Variants in BNIP3L observed in about 807,000 individuals in gnomAD.
BNIP3L encodes the protein BCL2 interacting protein 3 like.
A neutral mutation model predicts 25.5 loss-of-function variants in BNIP3L; 10 were observed. That is an observed-to-expected ratio of 0.39 (90% CI 0.24 to 0.67). The LOEUF is 0.67. Ranked by LOEUF, BNIP3L falls within the 30% of genes least tolerant of loss-of-function variation. The probability of loss-of-function intolerance (pLI) is 0.45; values close to 1 mark genes in which losing one functional copy is unlikely to be tolerated. For missense variants in BNIP3L, 215 were observed against 270.9 expected (o/e 0.79, Z 1.45); for synonymous variants, 113 against 101.2 (o/e 1.12, Z -0.70).
chr8:26,401,270 C>T (rs1806364562), intron 3 of BNIP3L, among the ~76,000 whole-genome samples: 4 of 133,076 alleles, frequency 3.0e-5, no homozygotes, highest in South Asian at 5.2e-4. Flanking sequence ...TTTGTAGGGA[C>T]ATGGATGAAA....
chr8:26,385,278 T>A (rs974325817), intron 1 of BNIP3L, among the ~76,000 whole-genome samples: 1 of 151,850 alleles, frequency 6.6e-6, no homozygotes, highest in Non-Finnish European at 1.5e-5. Flanking sequence ...CATCTTCCTT[T>A]GACCCTTTAA....
chr8:26,403,597 G>A (rs1806438171), intron 3 of BNIP3L, among the ~76,000 whole-genome samples: 2 of 150,910 alleles, frequency 1.3e-5, no homozygotes, highest in Admixed American at 1.3e-4. Flanking sequence ...GAGTGTAGTG[G>A]TGCAGTTGTA....
intron 3 of BNIP3L, among the ~76,000 whole-genome samples, chr8:26,407,759 T>C (rs562272016): frequency 3.1e-4 from 47 of 152,396 alleles, no homozygotes; most frequent in Admixed American, 2.1e-3. Flanking sequence ...TACAGTCTTA[T>C]GCAGTTCCTG....
At position 26,408,208 on chromosome 8, in the gene BNIP3L, C is replaced by T. The variant is rs761289218; in HGVS notation, c.462-19C>T. On this transcript the variant is annotated intron_variant, in intron 4 of 5. Coordinates refer to ENST00000380629, the MANE Select transcript of BNIP3L (RefSeq NM_004331.3). ...GATATTTTCAGCAAATGACATCTGC[C>T]TCTGAATTTCTTTCTCAGGGAGTTC... 67 of 1,612,618 alleles carry T rather than the reference C, an allele frequency of 4.2e-5. No homozygotes were observed. The highest frequency in any genetic ancestry group is 1.7e-4 in the Middle Eastern group (1 of 6,056).
At position 26,406,818 on chromosome 8, in the gene BNIP3L, A is replaced by G. The variant is rs563205082; in HGVS notation, c.358-1182A>G. On this transcript the variant is annotated intron_variant, in intron 3 of 5. Coordinates refer to ENST00000380629, the MANE Select transcript of BNIP3L (RefSeq NM_004331.3). ...GACACAGGAGACCCTGTCTCCAGAA[A>G]AAAAAAAAAAATGCATGTAACATGC... 3.3e-5 allele frequency among the ~76,000 whole-genome samples: 5 copies of G among 152,030 alleles called. No individual in the cohort carries two copies. In the East Asian group the frequency reaches 9.7e-4, roughly 29 times the overall value.
intron 3 of BNIP3L, among the ~76,000 whole-genome samples, chr8:26,401,824 G>A (rs1806389971): frequency 6.6e-6 from 1 of 152,122 alleles, no homozygotes; most frequent in African/African-American, 2.4e-5. Flanking sequence ...TCTTACAAAT[G>A]TTTGTGTTAT....
intron 1 of BNIP3L, chr8:26,390,393 A>G (rs1806076820): frequency 1.0e-6 from 1 of 985,468 alleles, no homozygotes; most frequent in Non-Finnish European, 1.2e-6. Context: ...TTTGTCCAAG[A>G]AAACTTTTCG....
intron 3 of BNIP3L, among the ~76,000 whole-genome samples, chr8:26,400,121 A>G (rs957214889): frequency 6.6e-6 from 1 of 150,532 alleles, no homozygotes; most frequent in African/African-American, 2.4e-5. Context: ...ATCCTAAGCC[A>G]AAAGAACAAA....
rs765549491 is a variant in BNIP3L, at chr8:26,383,273, G to A, written c.100+43G>A. 6.3e-6 allele frequency: 10 copies of A among 1,576,814 alleles called. No individual in the cohort carries two copies. The East Asian group carries it at 1.8e-4, about 29-fold the overall frequency. ...GCTCTGTGAAGGGGATGGGGGAGGAGGAGCAGCCCCGGCCGCCGCCACCGG... is the reference window on the plus strand; with the variant it reads ...GCTCTGTGAAGGGGATGGGGGAGGAAGAGCAGCCCCGGCCGCCGCCACCGG... On this transcript the variant is annotated intron_variant, in intron 1 of 5. Transcript: ENST00000380629.
At position 26,411,044 on chromosome 8, in the gene BNIP3L, T is replaced by G. The variant is rs1806613182; in HGVS notation, c.*632T>G. ...CCTCCTAATAGCGTCTTTTAATTTA[T>G]AGGAGGCAAACTGTATAAATGATAG... On this transcript the variant is annotated 3_prime_UTR_variant, in exon 6 of 6. Coordinates refer to ENST00000380629, the MANE Select transcript of BNIP3L (RefSeq NM_004331.3). The G allele has an allele frequency of 6.6e-6, 1 of 152,556 alleles. No homozygotes were observed. The highest frequency in any genetic ancestry group is 1.5e-5 in the Non-Finnish European group (1 of 68,256). 9.5% of individuals were successfully genotyped at this position (152,556 alleles called of 1,614,324 possible). A position where few individuals can be genotyped will look rare whatever the true frequency, so the allele number is the denominator to read the frequency against.
chr8:26,385,528 G>C (rs974172232), intron 1 of BNIP3L, among the ~76,000 whole-genome samples: 1 of 151,608 alleles, frequency 6.6e-6, no homozygotes, highest in South Asian at 2.1e-4. Flanking sequence ...GCTTGAATCC[G>C]GGAGGCAGAG....
At chr8:26,407,893 C>A in intron 3 of BNIP3L, 107 bp from the exon 4 acceptor site, 1 of 945,880 alleles carries the variant, frequency 1.1e-6, no homozygotes, top group Non-Finnish European at 1.6e-6. Flanking sequence ...TCTAAAATTT[C>A]TGAGACACAA....
At chr8:26,390,602 A>G (rs746361771) in intron 1 of BNIP3L, 5 of 955,954 alleles carry the variant, frequency 5.2e-6, no homozygotes, top group Non-Finnish European at 6.2e-6. Context: ...AGATAGAGAT[A>G]AAGCTTTTTT....
chr8:26,403,874 A>G (rs559763494), intron 3 of BNIP3L, among the ~76,000 whole-genome samples: 2 of 152,140 alleles, frequency 1.3e-5, no homozygotes, highest in Non-Finnish European at 2.9e-5. Context: ...GAAAGCAATG[A>G]TATTATCCCC....
rs1415015688 is a variant in BNIP3L at position 26,391,274 on chromosome 8, CAATGGCAATGAT to C, written c.143_154del (p.Asp48_Asn51del). 3.1e-6 allele frequency: 5 copies of C among 1,610,704 alleles called. No individual in the cohort carries two copies. Among genetic ancestry groups the C allele is most frequent in the Non-Finnish European group, 4.2e-6 (5 of 1,178,512 alleles). ...GGGTGGAGCTACCCATGAACAGCAG[CAATGGCAATGAT>C]AATGGCAATGGGAAAAATGGGGGGC... On this transcript the variant is annotated inframe_deletion, in exon 2 of 6. Transcript: ENST00000380629.
At position 26,410,884 on chromosome 8, in the gene BNIP3L, A is replaced by G. The variant is rs1346741350; in HGVS notation, c.*472A>G. 3.3e-5 allele frequency: 5 copies of G among 152,242 alleles called. No individual in the cohort carries two copies. Among genetic ancestry groups the G allele is most frequent in the African/African-American group, 1.2e-4 (5 of 41,420 alleles). 9.4% of individuals were successfully genotyped at this position (152,242 alleles called of 1,614,324 possible). ...TTTTTTTTCCCCCAAGACAAAGGCAAGTTTCCCTAAGTTTGAGTTGATAGT... is the reference window on the plus strand; with the variant it reads ...TTTTTTTTCCCCCAAGACAAAGGCAGGTTTCCCTAAGTTTGAGTTGATAGT... On this transcript the variant is annotated 3_prime_UTR_variant, in exon 6 of 6. Transcript: ENST00000380629.
In BNIP3L at chr8:26,410,365, A is replaced by G; in HGVS notation, c.613A>G (p.Ile205Val). Residue 205 changes from isoleucine to valine, a missense_variant and splice_region_variant, in exon 6 of 6, where the codon ATC becomes GTC. Transcript: ENST00000380629. ...CATGATGCTTCTGCTTCCTTTCAGC[A>G]TCTATATTGGAAAGCGACTGAGCAC... is the stretch of plus-strand genomic sequence containing the variant. ...LSHVLALGLG[I>V]YIGKRLSTPS... 6.2e-7 allele frequency: 1 copy of G among 1,614,096 alleles called. No individual in the cohort carries two copies. Among genetic ancestry groups the G allele is most frequent in the Non-Finnish European group, 8.5e-7 (1 of 1,179,988 alleles).
intron 3 of BNIP3L, among the ~76,000 whole-genome samples, chr8:26,400,873 C>T: frequency 1.5e-5 from 2 of 136,730 alleles, no homozygotes; most frequent in Admixed American, 7.5e-5. Flanking sequence ...GAGATGTCAT[C>T]TCACACCAGT....
rs1021822226 is a variant in BNIP3L, at chr8:26,411,177, T to C, written c.*765T>C. 6.6e-6 allele frequency: 1 copy of C among 152,624 alleles called. No individual in the cohort carries two copies. Among genetic ancestry groups the C allele is most frequent in the African/African-American group, 2.4e-5 (1 of 41,464 alleles). 9.5% of individuals were successfully genotyped at this position (152,624 alleles called of 1,614,324 possible). On this transcript the variant is annotated 3_prime_UTR_variant, in exon 6 of 6. Transcript: ENST00000380629. The stretch of plus-strand genomic sequence containing the variant: ...ATCTTTCTTTCTGATAAGGAACGTC[T>C]CAGGCTTAGAAATATATGAAATTGC...
Sources: allele counts gnomAD v4.1 joint callset (sites outside exome capture counted in the v4.1 genomes callset), GRCh38; gene constraint gnomAD v4.1.1; transcripts MANE v1.5; gene names NCBI Gene and HGNC (gene_info 2026-07-23, HGNC 2026-07-21).